Variants in PTPRT observed in about 807,000 individuals in gnomAD.
The protein encoded by PTPRT is receptor-type tyrosine-protein phosphatase T.
PTPRT carries 56 observed loss-of-function variants against 176.8 expected under a neutral mutation model. The ratio of observed to expected loss-of-function variants is 0.32; its 90% confidence interval spans 0.26 to 0.40. The LOEUF (loss-of-function observed/expected upper bound fraction) is 0.40, where lower values mean the gene tolerates loss of function less well. PTPRT is among the 10% of genes least tolerant of loss of function. The pLI is 1.00. For synonymous variants in PTPRT, 783 were observed against 739.0 expected, an observed-to-expected ratio of 1.06 and a Z score of -0.96; for missense variants, 1,540 against 1,908.2, an observed-to-expected ratio of 0.81 and a Z score of 3.60.
intron 1 of PTPRT, among the ~76,000 whole-genome samples, chr20:43,021,805 T>C (rs1485022643): frequency 1.1e-5 from 1 of 90,826 alleles, no homozygotes; most frequent in African/African-American, 3.6e-5. Flanking sequence ...TAATGGGAGA[T>C]ACAGGAAAAA....
rs140059574 is a variant in PTPRT at position 43,010,971 on chromosome 20, G to T, written c.89-125039C>A. ...CTCAGGTGTGTCAAAGCAGAGACAA[G>T]AATCAAGGTGGCCATCTCTAGAGCT... On this transcript the variant is annotated intron_variant, in intron 1 of 30. Coordinates refer to ENST00000373187, the MANE Select transcript of PTPRT (RefSeq NM_007050.6). 4.0e-3 allele frequency among the ~76,000 whole-genome samples: 616 copies of T among 152,278 alleles called. 5 individuals carry two copies. The highest frequency in any genetic ancestry group is 0.024 in the Middle Eastern group (7 of 294).
intron 1 of PTPRT, among the ~76,000 whole-genome samples, chr20:42,935,437 G>A (rs1266312890): frequency 6.6e-6 from 1 of 151,998 alleles, no homozygotes; most frequent in Non-Finnish European, 1.5e-5. Context: ...ACTGCACCTG[G>A]CCTGCCATAA....
At chr20:42,267,960 C>T (rs2056866799) in intron 13 of PTPRT, among the ~76,000 whole-genome samples, 1 of 152,096 alleles carries the variant, frequency 6.6e-6, no homozygotes, top group Admixed American at 6.5e-5. Flanking sequence ...AATAAATTAT[C>T]CAGGATCACC....
chr20:42,437,462 A>T (rs1048906408), intron 9 of PTPRT, among the ~76,000 whole-genome samples: 1 of 152,226 alleles, frequency 6.6e-6, no homozygotes, highest in African/African-American at 2.4e-5. Flanking sequence ...ACGTGCAGCG[A>T]TACACACGTT....
rs139969309 is a variant in PTPRT, at chr20:43,154,277, G to T, written c.88+35369C>A. ...CCGAATACCATTTACTGGCAAGACT[G>T]TCCTTTCCCCATTGTGTGCTCTTGG... On this transcript the variant is annotated intron_variant, in intron 1 of 30. Transcript: ENST00000373187. Among the ~76,000 whole-genome samples the T allele has an allele frequency of 2.5e-4, 38 of 152,272 alleles. No individual in the cohort carries two copies. The East Asian group carries it at 7.3e-3, about 29-fold the overall frequency.
chr20:42,928,206 C>G (rs934542750), intron 1 of PTPRT, among the ~76,000 whole-genome samples: 1 of 152,242 alleles, frequency 6.6e-6, no homozygotes, highest in Non-Finnish European at 1.5e-5. Context: ...TAAACAGCTG[C>G]TCCTTCAATG....
At chr20:42,880,759 T>C (rs1422769689) in intron 2 of PTPRT, among the ~76,000 whole-genome samples, 1 of 152,138 alleles carries the variant, frequency 6.6e-6, no homozygotes, top group African/African-American at 2.4e-5. Context: ...TCAATAACGA[T>C]AAGGTAGTGA....
chr20:42,376,888 G>T (rs936767254), intron 9 of PTPRT, among the ~76,000 whole-genome samples: 2 of 152,262 alleles, frequency 1.3e-5, no homozygotes, highest in African/African-American at 2.4e-5. Context: ...GCGCGATAAG[G>T]AAGTCAAGCT....
At chr20:42,443,350 G>A (rs1034712248) in intron 9 of PTPRT, among the ~76,000 whole-genome samples, 8 of 152,200 alleles carry the variant, frequency 5.3e-5, no homozygotes, top group African/African-American at 1.7e-4. Flanking sequence ...TGGGGCCTGC[G>A]ATTCTGCATC....
rs1259160218 is a variant in PTPRT, at chr20:42,074,405, C to A, written c.*6474G>T. The stretch of plus-strand genomic sequence containing the variant: ...GTCCTGCTCACTAAGGAACCATGAA[C>A]TACATTAATTACCCTGAGCTCCAGG... On this transcript the variant is annotated 3_prime_UTR_variant, in exon 31 of 31. Coordinates refer to ENST00000373187, the MANE Select transcript of PTPRT (RefSeq NM_007050.6). 1 of 248,422 alleles carries A rather than the reference C, an allele frequency of 4.0e-6. No individual in the cohort carries two copies. Among genetic ancestry groups the A allele is most frequent in the Admixed American group, 5.5e-5 (1 of 18,190 alleles). 15.4% of individuals were successfully genotyped at this position (248,422 alleles called of 1,614,324 possible).
intron 27 of PTPRT, among the ~76,000 whole-genome samples, chr20:42,098,187 C>T (rs1883375): frequency 0.63 from 95,131 of 151,794 alleles, 30,259 homozygotes; most frequent in African/African-American, 0.73. Flanking sequence ...TGGTCCCGGG[C>T]GGGGAGTTGG....
At chr20:42,040,498 C>T in the PTPRT span, among the ~76,000 whole-genome samples, 50 of 152,214 alleles carry the variant, frequency 3.3e-4, no homozygotes, top group African/African-American at 1.2e-3. Flanking sequence ...GATTAACCTT[C>T]TCTAAAGGTG....
At chr20:42,807,281 T>A (rs2077624927) in intron 2 of PTPRT, among the ~76,000 whole-genome samples, 1 of 152,206 alleles carries the variant, frequency 6.6e-6, no homozygotes, top group African/African-American at 2.4e-5. Context: ...ACCATTCCTA[T>A]TAGCCTTGGA....
chr20:42,391,740 G>A (rs1191136683), intron 9 of PTPRT, among the ~76,000 whole-genome samples: 1 of 152,192 alleles, frequency 6.6e-6, no homozygotes, highest in Non-Finnish European at 1.5e-5. Flanking sequence ...CAAAATAGAA[G>A]AAACCTGATT....
chr20:42,641,009 T>C (rs1266237541), intron 7 of PTPRT, among the ~76,000 whole-genome samples: 1 of 152,202 alleles, frequency 6.6e-6, no homozygotes, highest in Non-Finnish European at 1.5e-5. Flanking sequence ...CAATAGCATC[T>C]ATAATTACCA....
chr20:42,289,771 C>T (rs574254406), intron 12 of PTPRT, among the ~76,000 whole-genome samples: 138 of 152,164 alleles, frequency 9.1e-4, no homozygotes, highest in Non-Finnish European at 1.4e-3. Context: ...TCCACAGTTT[C>T]GTGCAGGAAA....
Position 42,267,527 on chromosome 20 carries a change from A to T in PTPRT, c.2176+14962T>A, listed in dbSNP as rs532373105. Among the ~76,000 whole-genome samples the T allele has an allele frequency of 1.4e-4, 21 of 152,340 alleles. No individual in the cohort carries two copies. In the South Asian group the frequency reaches 3.9e-3, roughly 29 times the overall value. ...ACAATATTCAAATTCTATTTCTATT[A>T]AACAGTATGGCTCTGGAGGTTTATA... On this transcript the variant is annotated intron_variant, in intron 13 of 30. Transcript: ENST00000373187.
rs2146117735 is a variant in PTPRT at position 42,085,751 on chromosome 20, A to T, written c.3949T>A (p.Phe1317Ile). 1 of 1,614,010 alleles carries T rather than the reference A, an allele frequency of 6.2e-7. No homozygotes were observed. The highest frequency in any genetic ancestry group is 1.3e-5 in the African/African-American group (1 of 75,004). Reference sequence around the variant, plus strand: ...ACCCGGGCCATGTTACAGATGCGGAATATTCTGTGGATGATGTCCTCGTCG... The same window carrying T: ...ACCCGGGCCATGTTACAGATGCGGATTATTCTGTGGATGATGTCCTCGTCG... ...DIDEDIIHRIFRICNMARPQD... is the reference protein window; with the variant it reads ...DIDEDIIHRIIRICNMARPQD... The change falls in exon 28 of 31, where the codon TTC becomes ATC. Residue 1317 changes from phenylalanine (F) to isoleucine (I), a missense_variant. Physicochemically the swap from Phe to Ile is conservative, Grantham distance 21. Coordinates refer to ENST00000373187, the MANE Select transcript of PTPRT (RefSeq NM_007050.6).
Position 42,521,253 on chromosome 20 carries a change from T to G in PTPRT, c.1154-48691A>C, listed in dbSNP as rs942652602. The stretch of plus-strand genomic sequence containing the variant: ...AGATAAAATACCCCTTAAGCTCATA[T>G]AAAAACTTACGATTTAAATTTAGGA... On this transcript the variant is annotated intron_variant, in intron 7 of 30. Transcript: ENST00000373187. 3.9e-5 allele frequency among the ~76,000 whole-genome samples: 6 copies of G among 152,232 alleles called. No homozygotes were observed. In the South Asian group the frequency reaches 1.2e-3, roughly 32 times the overall value.
Sources: gnomAD v4.1 joint callset for allele counts (sites outside exome capture counted in the v4.1 genomes callset) on GRCh38, gnomAD v4.1.1 for gene constraint, MANE v1.5 for transcripts, NCBI Gene and HGNC (gene_info 2026-07-23, HGNC 2026-07-21) for gene names.